Variants in RAB40C observed in about 807,000 individuals in gnomAD.
RAB40C encodes ras-related protein Rab-40C.
A neutral mutation model predicts 28.1 loss-of-function variants in RAB40C; 8 were observed. That is an observed-to-expected ratio of 0.28 (90% CI 0.17 to 0.51). The LOEUF (loss-of-function observed/expected upper bound fraction) is 0.51, where lower values mean the gene tolerates loss of function less well. RAB40C is among the 20% of genes least tolerant of loss of function. The pLI is 0.97. For synonymous variants in RAB40C, 201 were observed against 171.7 expected (o/e 1.17, Z -1.34); for missense variants, 288 against 405.9 (o/e 0.71, Z 2.50).
upstream of RAB40C, chr16:589,517 G>A (rs2035943726): frequency 6.6e-6 from 1 of 152,270 alleles, no homozygotes; most frequent in African/African-American, 2.4e-5. Context: ...TACAAACAAC[G>A]TGGACTTCCG....
chr16:597,382 C>T (rs762208586), intron 1 of RAB40C, among the ~76,000 whole-genome samples: 5 of 152,030 alleles, frequency 3.3e-5, no homozygotes, highest in Non-Finnish European at 5.9e-5. Context: ...GGGAAGGATT[C>T]GAATCCTGGA....
rs59401483 is a variant in RAB40C, at chr16:622,244, G to A, written c.265-3188G>A. On this transcript the variant is annotated intron_variant, in intron 3 of 5. Transcript: ENST00000248139. ...GAGTTGATCAAAAAAAGGTGTAAAC[G>A]TGCTCAGATGCATATTGCCACCGTT... Among the ~76,000 whole-genome samples, 392 of 151,000 alleles carry A rather than the reference G, an allele frequency of 2.6e-3. 5 individuals are homozygous for A. The highest frequency in any genetic ancestry group is 9.2e-3 in the African/African-American group (376 of 41,064).
intron 1 of RAB40C, chr16:596,446 A>G (rs1163173218): frequency 7.4e-6 from 3 of 405,598 alleles, no homozygotes; most frequent in Non-Finnish European, 1.0e-5. Flanking sequence ...TGCGCAGCAC[A>G]TGGTACGATG....
intron 1 of RAB40C, among the ~76,000 whole-genome samples, chr16:591,621 C>T (rs111283208): frequency 3.5e-4 from 52 of 147,612 alleles, no homozygotes; most frequent in African/African-American, 1.3e-3. Flanking sequence ...GAGACGGAGT[C>T]TCACTCTGTC....
chr16:616,335 T>TTATA (rs1452739727), intron 1 of RAB40C, among the ~76,000 whole-genome samples: 3 of 146,796 alleles, frequency 2.0e-5, no homozygotes, highest in South Asian at 4.3e-4. Flanking sequence ...AAGCAGCATT[T>TTATA]TATTTATTTA....
intron 3 of RAB40C, among the ~76,000 whole-genome samples, chr16:620,986 G>A (rs757208414): frequency 6.6e-6 from 1 of 152,268 alleles, no homozygotes; most frequent in Non-Finnish European, 1.5e-5. Flanking sequence ...CTGAGGTCCT[G>A]GAAAGCAAGC....
intron 1 of RAB40C, among the ~76,000 whole-genome samples, chr16:600,108 G>C (rs1167923148): frequency 6.6e-6 from 1 of 152,196 alleles, no homozygotes; most frequent in East Asian, 1.9e-4. Flanking sequence ...TTTCCTGTTT[G>C]GTTTGGGACT....
At chr16:595,158 G>A (rs1340250328) in intron 1 of RAB40C, among the ~76,000 whole-genome samples, 1 of 152,168 alleles carries the variant, frequency 6.6e-6, no homozygotes, top group Non-Finnish European at 1.5e-5. Flanking sequence ...TGGTGTTGTG[G>A]GAGGAACGGG....
At position 627,780 on chromosome 16, in the gene RAB40C, C is replaced by A. The variant is rs1243625396; in HGVS notation, c.*158C>A. On this transcript the variant is annotated 3_prime_UTR_variant, in exon 6 of 6. Transcript: ENST00000248139. ...CACCTGAGCCGGGTGCGAGGAGGAG[C>A]ATGCACGGACCAAGCGCGGCAGGCG... 2.4e-5 allele frequency: 22 copies of A among 904,556 alleles called. No individual in the cohort carries two copies. Among genetic ancestry groups the A allele is most frequent in the Non-Finnish European group, 3.1e-5 (20 of 645,984 alleles). The allele number at this position is 904,556 out of a possible 1,614,324, so 56.0% of individuals were successfully genotyped here.
intron 1 of RAB40C, among the ~76,000 whole-genome samples, chr16:615,887 G>A (rs995360213): frequency 1.3e-5 from 2 of 152,108 alleles, no homozygotes; most frequent in South Asian, 2.1e-4. Flanking sequence ...GCTTGAACCC[G>A]GGAGGTGGAG....
At chr16:604,215 C>T (rs536068619) in intron 1 of RAB40C, among the ~76,000 whole-genome samples, 3 of 150,252 alleles carry the variant, frequency 2.0e-5, no homozygotes, top group Non-Finnish European at 3.0e-5. Context: ...CCACCACACC[C>T]GGCTCAGAGC....
Position 620,892 on chromosome 16 carries a change from G to A in RAB40C, c.264+2632G>A, listed in dbSNP as rs181721021. Reference sequence around the variant, plus strand: ...CCACACAGGGAGGTCTGTGGGACACGAGGCCAGTACAGTCGTGATTTCTGT... The same window carrying A: ...CCACACAGGGAGGTCTGTGGGACACAAGGCCAGTACAGTCGTGATTTCTGT... On this transcript the variant is annotated intron_variant, in intron 3 of 5. Coordinates refer to ENST00000248139, the MANE Select transcript of RAB40C (RefSeq NM_021168.5). 5.6e-4 allele frequency among the ~76,000 whole-genome samples: 85 copies of A among 152,190 alleles called. 1 individual carries two copies. Among genetic ancestry groups the A allele is most frequent in the Non-Finnish European group, 1.1e-3 (74 of 68,000 alleles).
rs571784681 is a variant in RAB40C, at chr16:605,590, A to G, written c.143-11618A>G. The stretch of plus-strand genomic sequence containing the variant: ...TCCTGTGTCCGGCTGCCTTCTTTCC[A>G]TGTCTTCTGGGTGAGCTTCGGCCAC... On this transcript the variant is annotated intron_variant, in intron 1 of 5. Transcript: ENST00000248139. Among the ~76,000 whole-genome samples the G allele has an allele frequency of 5.9e-5, 9 of 151,978 alleles. No individual in the cohort carries two copies. The South Asian group carries it at 1.5e-3, about 25-fold the overall frequency.
Position 624,923 on chromosome 16 carries a change from C to T in RAB40C, c.265-509C>T, listed in dbSNP as rs189142159. On this transcript the variant is annotated intron_variant, in intron 3 of 5. Coordinates refer to ENST00000248139, the MANE Select transcript of RAB40C (RefSeq NM_021168.5). Reference sequence around the variant, plus strand: ...TCTAAGGGATGTGGCAAAAAGTCCCCGTGGCAAAACCTGCTCTGCCTGGCT... The same window carrying T: ...TCTAAGGGATGTGGCAAAAAGTCCCTGTGGCAAAACCTGCTCTGCCTGGCT... 399 of 1,286,100 alleles carry T rather than the reference C, an allele frequency of 3.1e-4. 6 individuals carry two copies. The Admixed American group carries it at 8.1e-3, about 26-fold the overall frequency. 79.7% of individuals were successfully genotyped at this position (1,286,100 alleles called of 1,614,324 possible).
intron 1 of RAB40C, among the ~76,000 whole-genome samples, chr16:598,916 G>A (rs150947390): frequency 4.9e-4 from 75 of 152,338 alleles, no homozygotes; most frequent in African/African-American, 1.7e-3. Flanking sequence ...AGCAGCGTGG[G>A]TAACCCGGTG....
intron 1 of RAB40C, among the ~76,000 whole-genome samples, chr16:593,560 C>T (rs1596395721): frequency 6.6e-6 from 1 of 152,244 alleles, no homozygotes; most frequent in East Asian, 1.9e-4. Context: ...CACACCGGAT[C>T]GCTTACCTGC....
intron 1 of RAB40C, among the ~76,000 whole-genome samples, chr16:591,270 A>G (rs1266880392): frequency 3.3e-5 from 5 of 149,734 alleles, no homozygotes; most frequent in African/African-American, 5.0e-5. Context: ...GGAAGGTGTC[A>G]TAGATCTGGG....
intron 3 of RAB40C, chr16:624,766 C>T (rs1596417600): frequency 2.0e-6 from 2 of 985,422 alleles, no homozygotes; most frequent in Non-Finnish European, 2.4e-6. Context: ...CCTGTGATGT[C>T]ACCGTTTCGC....
intron 1 of RAB40C, among the ~76,000 whole-genome samples, chr16:600,347 C>T (rs2036222930): frequency 6.6e-6 from 1 of 152,204 alleles, no homozygotes; most frequent in African/African-American, 2.4e-5. Context: ...TGAGTATATG[C>T]AAAATAGTAG....
Sources: gnomAD v4.1 joint callset for allele counts (sites outside exome capture counted in the v4.1 genomes callset) on GRCh38, gnomAD v4.1.1 for gene constraint, MANE v1.5 for transcripts, NCBI Gene and HGNC (gene_info 2026-07-23, HGNC 2026-07-21) for gene names.